The following CDKL5 variants were observed in gnomAD, a reference collection of about 807,000 sequenced individuals.
CDKL5 encodes the protein cyclin-dependent kinase-like 5.
Under a neutral mutation model 61.7 loss-of-function variants are expected in CDKL5, and 8 were observed. The observed-to-expected ratio is 0.13, with a 90% confidence interval of 0.08 to 0.23. The LOEUF is 0.23. Among genes scored for constraint, CDKL5 ranks in the 10% least tolerant of loss-of-function variants. The probability of loss-of-function intolerance (pLI) is 1.00; values close to 1 mark genes in which losing one functional copy is unlikely to be tolerated. For synonymous variants in CDKL5, 275 were observed against 272.3 expected (o/e 1.01, Z -0.10); for missense variants, 440 against 734.5 (o/e 0.60, Z 4.63).
chrX:18,609,330 G>A, intron 13 of CDKL5, 135 bp from the exon 14 acceptor site: 14 of 1,086,585 alleles, frequency 1.3e-5, no homozygotes, highest in Non-Finnish European at 1.7e-5. Context: ...GGCAGTCAAG[G>A]CTACAGTAAG....
chrX:18,629,450 A>G lies in CDKL5; in HGVS notation c.*693A>G. 1.1e-5 allele frequency: 6 copies of G among 522,710 alleles called. No individual in the cohort carries two copies. The South Asian group carries it at 5.0e-4, about 44-fold the overall frequency. 43.1% of individuals were successfully genotyped at this position (522,710 alleles called of 1,213,427 possible). ...TATTGCATCAGGAGTATTTTATTCT[A>G]TATATAATATATATATATGGTAAAT... On this transcript the variant is annotated 3_prime_UTR_variant, in exon 18 of 18. Coordinates refer to ENST00000623535, the MANE Select transcript of CDKL5 (RefSeq NM_001323289.2).
chrX:18,596,642 A>G (rs897663362), intron 10 of CDKL5, among the ~76,000 whole-genome samples: 2 of 112,266 alleles, frequency 1.8e-5, no homozygotes, highest in Non-Finnish European at 3.8e-5. Context: ...ACACTTTTTC[A>G]CACAGTCAGT....
At chrX:18,575,601 T>A in intron 5 of CDKL5, 111 bp downstream of exon 5, 1 of 687,884 alleles carries the variant, frequency 1.5e-6, no homozygotes, top group South Asian at 2.4e-5. Context: ...AATGTACTCA[T>A]AATCTGAGGA....
At chrX:18,505,528 C>A (rs1210585238) in intron 1 of CDKL5, among the ~76,000 whole-genome samples, 1 of 112,024 alleles carries the variant, frequency 8.9e-6, no homozygotes, top group Non-Finnish European at 1.9e-5. Context: ...CTTCTTGTTA[C>A]TCAGTTGTTT....
At chrX:18,651,264 TGAGAGAGAGA>T (rs1191836877) in intron 21 of CDKL5, among the ~76,000 whole-genome samples, 16 of 69,007 alleles carry the variant, frequency 2.3e-4, no homozygotes, top group Admixed American at 1.9e-3. Context: ...TGTGTGTGTG[TGAGAGAGAGA>T]GAGAGAGAGA....
intron 1 of CDKL5, among the ~76,000 whole-genome samples, chrX:18,433,553 TAAA>T (rs942522165): frequency 9.2e-6 from 1 of 108,630 alleles, no homozygotes; most frequent in Non-Finnish European, 1.9e-5. Flanking sequence ...TCCGTTTAAA[TAAA>T]AAAAAAAATT....
At chrX:18,468,810 G>A (rs138094319) in intron 1 of CDKL5, among the ~76,000 whole-genome samples, 2,381 of 110,992 alleles carry the variant, frequency 0.021, 51 homozygotes, top group African/African-American at 0.062. Flanking sequence ...GGAGATTAGT[G>A]CTCAGATCTC....
Position 18,633,645 on chromosome X carries a change from G to A in CDKL5, c.*4888G>A. Reference sequence around the variant, plus strand: ...CCTCATCTATCTGCATACACGCAATGTGGGAGAAGTGGGGTGGCTAGGAAA... The same window carrying A: ...CCTCATCTATCTGCATACACGCAATATGGGAGAAGTGGGGTGGCTAGGAAA... On this transcript the variant is annotated 3_prime_UTR_variant, in exon 18 of 18. Transcript: ENST00000623535. 1 of 754,382 alleles carries A rather than the reference G, an allele frequency of 1.3e-6. No homozygotes were observed. The highest frequency in any genetic ancestry group is 1.6e-6 in the Non-Finnish European group (1 of 639,326). The allele number at this position is 754,382 out of a possible 1,213,427, so 62.2% of individuals were successfully genotyped here.
chrX:18,603,240 G>A, intron 11 of CDKL5, among the ~76,000 whole-genome samples: 1 of 112,149 alleles, frequency 8.9e-6, no homozygotes, highest in Admixed American at 9.4e-5. Context: ...TATCTGAAGA[G>A]CCCCAAGTAA....
chrX:18,555,470 G>C (rs1205812582), intron 3 of CDKL5, among the ~76,000 whole-genome samples: 1 of 111,980 alleles, frequency 8.9e-6, no homozygotes, highest in Non-Finnish European at 1.9e-5. Context: ...TCAACTTCAG[G>C]ATAGAAATTA....
chrX:18,488,220 G>A (rs1208924341), intron 1 of CDKL5, among the ~76,000 whole-genome samples: 1 of 110,981 alleles, frequency 9.0e-6, no homozygotes, highest in Non-Finnish European at 1.9e-5. Flanking sequence ...GCCCTGTTCT[G>A]TTGATGAGGC....
At chrX:18,524,198 G>A (rs1923350448) in intron 3 of CDKL5, among the ~76,000 whole-genome samples, 1 of 111,915 alleles carries the variant, frequency 8.9e-6, no homozygotes, top group Non-Finnish European at 1.9e-5. Context: ...TTACCATTGA[G>A]TATTCATGAT....
At chrX:18,477,569 A>T (rs937896017) in intron 1 of CDKL5, among the ~76,000 whole-genome samples, 1 of 111,338 alleles carries the variant, frequency 9.0e-6, no homozygotes, top group Admixed American at 9.6e-5. Flanking sequence ...TTCAAGTGTA[A>T]CATTTTAATT....
intron 1 of CDKL5, among the ~76,000 whole-genome samples, chrX:18,438,148 C>T (rs1395129739): frequency 2.7e-5 from 3 of 111,306 alleles, no homozygotes; most frequent in Non-Finnish European, 5.7e-5. Context: ...TCACTGCAAC[C>T]TCCGCCTCCC....
intron 4 of CDKL5, among the ~76,000 whole-genome samples, chrX:18,573,469 G>A (rs1014004658): frequency 3.0e-4 from 33 of 111,863 alleles, no homozygotes; most frequent in African/African-American, 1.1e-3. Flanking sequence ...CCACTGTTCT[G>A]GCTCACCCCC....
At chrX:18,584,612 G>A (rs1481935470) in intron 8 of CDKL5, among the ~76,000 whole-genome samples, 1 of 111,638 alleles carries the variant, frequency 9.0e-6, no homozygotes, top group African/African-American at 3.3e-5. Context: ...AGTCACTCAC[G>A]AAGTTATAGT....
At chrX:18,443,370 TGG>T (rs1931798191) in intron 1 of CDKL5, among the ~76,000 whole-genome samples, 1 of 111,754 alleles carries the variant, frequency 8.9e-6, no homozygotes, top group Admixed American at 9.6e-5. Context: ...CTTTTAAGTT[TGG>T]GGCTACATGT....
At position 18,588,060 on chromosome X, in the gene CDKL5, T is replaced by C. The variant is rs1199099438; in HGVS notation, c.661T>C (p.Phe221Leu). The C allele has an allele frequency of 8.3e-7, 1 of 1,210,340 alleles. No individual in the cohort carries two copies. Residue 221 changes from phenylalanine (F) to leucine (L), a missense_variant, in exon 9 of 18, where the codon TTT becomes CTT. Physicochemically the swap from Phe to Leu is conservative, Grantham distance 22. Transcript: ENST00000623535. ...FPGESEIDQLFTIQKVLGPLP... is the reference protein window; with the variant it reads ...FPGESEIDQLLTIQKVLGPLP... ...TGGAGAAAGTGAAATTGACCAACTT[T>C]TTACTATTCAGAAGGTGCTAGGACC...
At position 18,476,876 on chromosome X, in the gene CDKL5, C is replaced by T. The variant is rs772691779; in HGVS notation, c.-162-30059C>T. Among the ~76,000 whole-genome samples the T allele has an allele frequency of 4.5e-5, 5 of 111,184 alleles. No homozygotes were observed. The East Asian group carries it at 8.6e-4, about 19-fold the overall frequency. Reference sequence around the variant, plus strand: ...CTGCCTCCCGGGTTCAAGCGATTCTCCTGCTGCCCCAGCCTCCTGAGTAGC... The same window carrying T: ...CTGCCTCCCGGGTTCAAGCGATTCTTCTGCTGCCCCAGCCTCCTGAGTAGC... On this transcript the variant is annotated intron_variant, in intron 1 of 17. Transcript: ENST00000623535.
Sources: allele counts gnomAD v4.1 joint callset (sites outside exome capture counted in the v4.1 genomes callset), GRCh38; gene constraint gnomAD v4.1.1; transcripts MANE v1.5; gene names NCBI Gene and HGNC (gene_info 2026-07-23, HGNC 2026-07-21).